The following SIK3 variants were observed in gnomAD, a reference collection of about 807,000 sequenced individuals.
The protein encoded by SIK3 is SIK family kinase 3.
Under a neutral mutation model 144.2 loss-of-function variants are expected in SIK3, and 28 were observed. That is an observed-to-expected ratio of 0.19 (90% CI 0.14 to 0.27). The LOEUF (loss-of-function observed/expected upper bound fraction) is 0.27. SIK3 is among the 10% of genes least tolerant of loss of function. The pLI, the probability that SIK3 is intolerant of heterozygous loss-of-function variation, is 1.00. For missense variants in SIK3, 1,319 were observed against 1,776.0 expected (o/e 0.74, Z 4.62); for synonymous variants, 686 against 676.3 (o/e 1.01, Z -0.22).
At chr11:116,915,500 T>G (rs1231371313) in intron 4 of SIK3, among the ~76,000 whole-genome samples, 1 of 152,214 alleles carries the variant, frequency 6.6e-6, no homozygotes, top group Admixed American at 6.5e-5. Flanking sequence ...TAGCACTTCT[T>G]TGCAAATAAT....
At chr11:116,956,336 A>C (rs2441221) in intron 2 of SIK3, among the ~76,000 whole-genome samples, 2 of 107,712 alleles carry the variant, frequency 1.9e-5, no homozygotes, top group Admixed American at 8.5e-5. Flanking sequence ...TGGGAAGACC[A>C]AAAAAAAAAA....
intron 4 of SIK3, among the ~76,000 whole-genome samples, chr11:116,919,186 G>C (rs1189177661): frequency 6.6e-6 from 1 of 152,160 alleles, no homozygotes; most frequent in African/African-American, 2.4e-5. Context: ...CACTGTGGAA[G>C]GGTACTCAAA....
At chr11:116,993,684 C>A (rs561787014) in intron 1 of SIK3, among the ~76,000 whole-genome samples, 1 of 152,062 alleles carries the variant, frequency 6.6e-6, no homozygotes, top group Admixed American at 6.6e-5. Context: ...GCTGAACAGA[C>A]GTCAGCAGGG....
rs1011183144 is a variant in SIK3, at chr11:116,885,897, A to G, written c.866-8855T>C. On this transcript the variant is annotated intron_variant, in intron 6 of 24. Transcript: ENST00000445177. ...AACCTCTCATACAGTTTACCTCATA[A>G]AACAGCTTACCTCAGACAGTTGTTC... is the stretch of plus-strand genomic sequence containing the variant. 2.0e-5 allele frequency among the ~76,000 whole-genome samples: 3 copies of G among 152,312 alleles called. No individual in the cohort carries two copies. In the South Asian group the frequency reaches 6.2e-4, roughly 32 times the overall value.
intron 1 of SIK3, among the ~76,000 whole-genome samples, chr11:117,074,661 G>A (rs79559026): frequency 1.3e-5 from 2 of 152,060 alleles, no homozygotes; most frequent in Admixed American, 6.6e-5. Flanking sequence ...GGTGGCTCAC[G>A]CCTGTAATCC....
chr11:116,920,336 C>G (rs540578268), intron 4 of SIK3, among the ~76,000 whole-genome samples: 1 of 152,258 alleles, frequency 6.6e-6, no homozygotes, highest in South Asian at 2.1e-4. Context: ...TCCAGCCATG[C>G]TGGACTTTCT....
chr11:116,983,737 T>A (rs546060821), intron 1 of SIK3, among the ~76,000 whole-genome samples: 12 of 152,112 alleles, frequency 7.9e-5, no homozygotes, highest in Non-Finnish European at 1.6e-4. Context: ...GCTGTGCCCC[T>A]GTATCTACTG....
chr11:116,866,692 G>A (rs886981814), intron 15 of SIK3, among the ~76,000 whole-genome samples: 11 of 151,890 alleles, frequency 7.2e-5, no homozygotes, highest in African/African-American at 2.4e-4. Flanking sequence ...CACCCGCCTC[G>A]GCCTCCCAAA....
chr11:116,924,941 G>GA (rs2135110437), intron 4 of SIK3, among the ~76,000 whole-genome samples: 1 of 152,176 alleles, frequency 6.6e-6, no homozygotes, highest in East Asian at 1.9e-4. Flanking sequence ...CCATACTTGT[G>GA]AATGTGTTAC....
chr11:116,937,388 C>T (rs972317832), intron 3 of SIK3, among the ~76,000 whole-genome samples: 1 of 152,188 alleles, frequency 6.6e-6, no homozygotes, highest in Admixed American at 6.5e-5. Flanking sequence ...TCTTACATAA[C>T]TGAAACAATT....
chr11:117,025,230 A>G (rs911231722), intron 1 of SIK3, among the ~76,000 whole-genome samples: 2 of 151,960 alleles, frequency 1.3e-5, no homozygotes, highest in Non-Finnish European at 2.9e-5. Context: ...CTGTAAATGT[A>G]GCTTGAAAAA....
chr11:117,006,344 C>T (rs1268941236), intron 1 of SIK3, among the ~76,000 whole-genome samples: 1 of 152,178 alleles, frequency 6.6e-6, no homozygotes, highest in Non-Finnish European at 1.5e-5. Context: ...CAGCAGAATG[C>T]AGGTAAGCTC....
intron 21 of SIK3, among the ~76,000 whole-genome samples, chr11:116,856,485 G>A (rs1447880700): frequency 5.3e-5 from 8 of 152,112 alleles, no homozygotes; most frequent in Non-Finnish European, 1.0e-4. Flanking sequence ...TCTAACAAGC[G>A]TGATGTTTCT....
chr11:117,058,745 AACT>A (rs1400461411), intron 1 of SIK3, among the ~76,000 whole-genome samples: 1 of 152,214 alleles, frequency 6.6e-6, no homozygotes, highest in Non-Finnish European at 1.5e-5. Context: ...CAAGTGAGAA[AACT>A]ACTAAAGAGA....
At chr11:116,930,101 T>G (rs1947517617) in intron 3 of SIK3, among the ~76,000 whole-genome samples, 1 of 151,882 alleles carries the variant, frequency 6.6e-6, no homozygotes, top group Non-Finnish European at 1.5e-5. Context: ...TTTTTTAAAG[T>G]GTTCACATTA....
intron 1 of SIK3, among the ~76,000 whole-genome samples, chr11:117,060,712 T>C (rs562426076): frequency 6.2e-4 from 95 of 152,262 alleles, no homozygotes; most frequent in African/African-American, 2.0e-3. Flanking sequence ...ACTGTAATAA[T>C]GGATATGCAA....
At chr11:116,976,980 T>A (rs1000580391) in intron 1 of SIK3, among the ~76,000 whole-genome samples, 3 of 152,146 alleles carry the variant, frequency 2.0e-5, no homozygotes, top group African/African-American at 4.8e-5. Flanking sequence ...GAATATATGT[T>A]TATATTCCAA....
intron 3 of SIK3, among the ~76,000 whole-genome samples, chr11:116,937,623 A>G (rs1947991038): frequency 6.6e-6 from 1 of 152,206 alleles, no homozygotes; most frequent in South Asian, 2.1e-4. Flanking sequence ...TCAATCAATC[A>G]GTCTCTCCCC....
At chr11:116,879,566 T>C (rs1378704456) in intron 6 of SIK3, among the ~76,000 whole-genome samples, 1 of 152,200 alleles carries the variant, frequency 6.6e-6, no homozygotes, top group South Asian at 2.1e-4. Context: ...TTCTATACCA[T>C]TTGGCAAACA....
Sources: gnomAD v4.1 joint callset for allele counts (sites outside exome capture counted in the v4.1 genomes callset) on GRCh38, gnomAD v4.1.1 for gene constraint, MANE v1.5 for transcripts, NCBI Gene and HGNC (gene_info 2026-07-23, HGNC 2026-07-21) for gene names.